TENM3: variants seen among roughly 807,000 people sequenced by gnomAD.
TENM3 encodes teneurin transmembrane protein 3.
TENM3 carries 63 observed loss-of-function variants against 255.1 expected under a neutral mutation model. The ratio of observed to expected loss-of-function variants is 0.25; its 90% confidence interval spans 0.20 to 0.30. The LOEUF (loss-of-function observed/expected upper bound fraction) is 0.30. TENM3 is among the 10% of genes least tolerant of loss of function. The probability of loss-of-function intolerance (pLI) is 1.00; values close to 1 mark genes in which losing one functional copy is unlikely to be tolerated. For synonymous variants in TENM3, 1,306 were observed against 1,322.3 expected (o/e 0.99, Z 0.27); for missense variants, 2,929 against 3,461.1 (o/e 0.85, Z 3.86).
At chr4:182,418,187 G>A (rs377584878) in intron 3 of TENM3, among the ~76,000 whole-genome samples, 11 of 152,290 alleles carry the variant, frequency 7.2e-5, no homozygotes, top group East Asian at 3.9e-4. Flanking sequence ...ATTTCAATTC[G>A]AATATATTGC....
At chr4:182,281,115 C>T (rs1760357258) in intron 1 of TENM3, among the ~76,000 whole-genome samples, 1 of 152,160 alleles carries the variant, frequency 6.6e-6, no homozygotes, top group African/African-American at 2.4e-5. Context: ...GTCTCCTTCA[C>T]ATCTTTAAGT....
chr4:182,213,375 A>C (rs1755185187), intron 1 of TENM3, among the ~76,000 whole-genome samples: 2 of 152,242 alleles, frequency 1.3e-5, no homozygotes, highest in African/African-American at 4.8e-5. Context: ...ATAGTGATTT[A>C]GCCATCCTTT....
intron 3 of TENM3, among the ~76,000 whole-genome samples, chr4:182,369,934 T>C (rs1412767251): frequency 6.6e-6 from 1 of 152,144 alleles, no homozygotes; most frequent in Non-Finnish European, 1.5e-5. Flanking sequence ...TAAGGGCATT[T>C]GATGAGAAGA....
At chr4:182,645,665 A>G (rs1752680021) in intron 5 of TENM3, among the ~76,000 whole-genome samples, 1 of 152,134 alleles carries the variant, frequency 6.6e-6, no homozygotes, top group South Asian at 2.1e-4. Flanking sequence ...TTCCAAGCTC[A>G]CACACAAGGT....
the TENM3 span, among the ~76,000 whole-genome samples, chr4:182,109,890 C>G: frequency 6.6e-6 from 1 of 152,156 alleles, no homozygotes; most frequent in South Asian, 2.1e-4. Flanking sequence ...CCAAATCCAG[C>G]CTACCACCTC....
At chr4:181,742,916 A>C in the TENM3 span, among the ~76,000 whole-genome samples, 111 of 149,632 alleles carry the variant, frequency 7.4e-4, 1 homozygote, top group South Asian at 3.4e-3. Context: ...TATAAGTGAG[A>C]ATATGCGGTG....
the TENM3 span, among the ~76,000 whole-genome samples, chr4:181,831,292 G>A: frequency 0.024 from 3,644 of 152,094 alleles, 139 homozygotes; most frequent in African/African-American, 0.082. Context: ...CTCTTGATTA[G>A]CAGTGTCTCT....
At chr4:182,015,550 T>TTTTA in the TENM3 span, among the ~76,000 whole-genome samples, 794 of 150,100 alleles carry the variant, frequency 5.3e-3, 1 homozygote, top group Middle Eastern at 0.014. Context: ...TGATTTTAAT[T>TTTTA]TTTATTTATT....
the TENM3 span, among the ~76,000 whole-genome samples, chr4:181,749,863 T>C: frequency 6.6e-6 from 1 of 152,148 alleles, no homozygotes; most frequent in African/African-American, 2.4e-5. Flanking sequence ...CAAGGTGCTC[T>C]TAAAGGGGCT....
At chr4:182,161,325 A>C (rs1233232825) in intron 1 of TENM3, among the ~76,000 whole-genome samples, 6 of 132,354 alleles carry the variant, frequency 4.5e-5, no homozygotes, top group African/African-American at 1.7e-4. Flanking sequence ...CTGAGGCAGG[A>C]GAATGGCGTG....
At chr4:181,522,441 C>T in the TENM3 span, among the ~76,000 whole-genome samples, 14,175 of 152,144 alleles carry the variant, frequency 0.093, 803 homozygotes, top group South Asian at 0.26. Context: ...GAAAGAGCCT[C>T]CAACCTTTTT....
At chr4:181,732,419 T>G in the TENM3 span, among the ~76,000 whole-genome samples, 1 of 152,292 alleles carries the variant, frequency 6.6e-6, no homozygotes, top group Admixed American at 6.5e-5. Context: ...TACAGAAATG[T>G]GCAATGCCAT....
At chr4:182,241,121 A>G (rs1391548290), upstream of TENM3, among the ~76,000 whole-genome samples, 1 of 152,142 alleles carries the variant, frequency 6.6e-6, no homozygotes, top group Non-Finnish European at 1.5e-5. Context: ...TCGTGCTGAA[A>G]TTTCATTCCT....
chr4:182,546,589 C>T (rs1741476599), intron 3 of TENM3, among the ~76,000 whole-genome samples: 1 of 152,150 alleles, frequency 6.6e-6, no homozygotes, highest in Non-Finnish European at 1.5e-5. Flanking sequence ...GCATGAGCCA[C>T]TGTGCCTGGC....
At chr4:182,764,096 T>C (rs545944233) in intron 22 of TENM3, among the ~76,000 whole-genome samples, 13 of 152,344 alleles carry the variant, frequency 8.5e-5, no homozygotes, top group African/African-American at 3.1e-4. Flanking sequence ...CAAAAGCAGC[T>C]ATGCCACCTA....
At chr4:182,058,617 A>G in the TENM3 span, among the ~76,000 whole-genome samples, 2 of 152,238 alleles carry the variant, frequency 1.3e-5, no homozygotes, top group East Asian at 3.9e-4. Flanking sequence ...AAAAATAATA[A>G]GCAGATCCTA....
At chr4:182,388,170 C>G (rs887727925) in intron 3 of TENM3, among the ~76,000 whole-genome samples, 1 of 152,074 alleles carries the variant, frequency 6.6e-6, no homozygotes, top group African/African-American at 2.4e-5. Context: ...CCCTTCATTC[C>G]CAGCTGCTTC....
chr4:182,565,626 C>G (rs1743707380), intron 3 of TENM3, among the ~76,000 whole-genome samples: 1 of 152,150 alleles, frequency 6.6e-6, no homozygotes, highest in African/African-American at 2.4e-5. Flanking sequence ...TATCTTAAAT[C>G]ACAGTACTAT....
chr4:182,404,784 T>G (rs373301328), intron 3 of TENM3, among the ~76,000 whole-genome samples: 1 of 152,222 alleles, frequency 6.6e-6, no homozygotes, highest in Non-Finnish European at 1.5e-5. Context: ...ACGTCCACGT[T>G]AGCTTACTAT....
Sources: gnomAD v4.1 joint callset for allele counts (sites outside exome capture counted in the v4.1 genomes callset) on GRCh38, gnomAD v4.1.1 for gene constraint, MANE v1.5 for transcripts, NCBI Gene and HGNC (gene_info 2026-07-23, HGNC 2026-07-21) for gene names.